DTNA: variants seen among roughly 807,000 people sequenced by gnomAD.
DTNA encodes the protein dystrophin-related protein 3.
Under a neutral mutation model 100.7 loss-of-function variants are expected in DTNA, and 43 were observed. The observed-to-expected ratio is 0.43, with a 90% confidence interval of 0.33 to 0.55. DTNA has a LOEUF of 0.55. Ranked by LOEUF, DTNA falls within the 20% of genes least tolerant of loss-of-function variation. DTNA has a pLI of 0.04. For synonymous variants in DTNA, 349 were observed against 347.9 expected (o/e 1.00, Z -0.04); for missense variants, 798 against 953.9 (o/e 0.84, Z 2.15).
chr18:34,869,878 G>A (rs958700499), intron 17 of DTNA, among the ~76,000 whole-genome samples: 6 of 152,102 alleles, frequency 3.9e-5, no homozygotes, highest in Non-Finnish European at 8.8e-5. Flanking sequence ...AAAATTAGCC[G>A]GGCGTGGTGG....
rs2040345523 is a variant in DTNA, at chr18:34,505,022, A to T, written c.-2+11508A>T. Among the ~76,000 whole-genome samples the T allele has an allele frequency of 2.0e-5, 3 of 152,290 alleles. No homozygotes were observed. The South Asian group carries it at 6.2e-4, about 32-fold the overall frequency. ...TTGATTTCCTATGGCTGCTGTAACA[A>T]ATTACCATACAGTGCATGCCTTACA... On this transcript the variant is annotated intron_variant, in intron 1 of 19. Coordinates refer to the DTNA transcript ENST00000283365.
intron 3 of DTNA, among the ~76,000 whole-genome samples, chr18:34,775,314 G>A (rs1383994897): frequency 4.6e-5 from 7 of 151,986 alleles, no homozygotes; most frequent in African/African-American, 9.7e-5. Flanking sequence ...GGGAAACCCC[G>A]TCTCTACTAA....
chr18:34,838,864 G>A, intron 13 of DTNA, 27 bp downstream of exon 13: 1 of 1,599,804 alleles, frequency 6.3e-7, no homozygotes, highest in African/African-American at 1.3e-5. Flanking sequence ...CTGCTTGACT[G>A]TCCTTAGAGA....
chr18:34,785,317 A>C (rs563264662), intron 3 of DTNA, among the ~76,000 whole-genome samples: 1 of 152,328 alleles, frequency 6.6e-6, no homozygotes, highest in Admixed American at 6.5e-5. Flanking sequence ...ACAAACCTCA[A>C]GTTATAGAAG....
At chr18:34,650,457 T>C (rs1275777222) in intron 1 of DTNA, among the ~76,000 whole-genome samples, 1 of 152,208 alleles carries the variant, frequency 6.6e-6, no homozygotes, top group Non-Finnish European at 1.5e-5. Context: ...TTGTTCCTAC[T>C]TCTCCTTTTG....
At chr18:34,679,456 T>A (rs1311509142) in intron 1 of DTNA, 1 of 152,206 alleles carries the variant, frequency 6.6e-6, no homozygotes, top group Non-Finnish European at 1.5e-5. Flanking sequence ...AAAGTCTACT[T>A]TCTCGTTGCA....
chr18:34,611,399 C>T (rs2054181795), intron 1 of DTNA, among the ~76,000 whole-genome samples: 1 of 152,148 alleles, frequency 6.6e-6, no homozygotes, highest in Non-Finnish European at 1.5e-5. Flanking sequence ...TCAGAAGTTT[C>T]CTCCAGTCTC....
Position 34,799,922 on chromosome 18 carries a change from G to C in DTNA, c.362+5672G>C, listed in dbSNP as rs191965366. 2.6e-3 allele frequency among the ~76,000 whole-genome samples: 400 copies of C among 152,238 alleles called. 2 individuals carry two copies. Among genetic ancestry groups the C allele is most frequent in the Admixed American group, 4.2e-3 (64 of 15,282 alleles). ...CTCACCTGCCCCGGCGCTATAAGGA[G>C]TACTTTTCCCAGATGTTTTGCTAAC... On this transcript the variant is annotated intron_variant, in intron 4 of 22. Transcript: ENST00000444659.
At chr18:34,874,387 CAG>C (rs1479367142) in intron 17 of DTNA, among the ~76,000 whole-genome samples, 12 of 152,210 alleles carry the variant, frequency 7.9e-5, no homozygotes, top group African/African-American at 2.7e-4. Context: ...ATTATTAAAA[CAG>C]GGAGAATATT....
chr18:34,828,139 A>G (rs2095904836), intron 10 of DTNA, among the ~76,000 whole-genome samples: 1 of 152,218 alleles, frequency 6.6e-6, no homozygotes, highest in African/African-American at 2.4e-5. Context: ...ATAAAGACCA[A>G]ACTTGGAAAT....
At chr18:34,782,907 C>T (rs2094385702) in intron 3 of DTNA, among the ~76,000 whole-genome samples, 1 of 152,104 alleles carries the variant, frequency 6.6e-6, no homozygotes, top group South Asian at 2.1e-4. Context: ...AGGAGGCTTG[C>T]TTCTAAGTAG....
At chr18:34,584,783 G>A (rs1403179938) in intron 1 of DTNA, among the ~76,000 whole-genome samples, 1 of 152,060 alleles carries the variant, frequency 6.6e-6, no homozygotes, top group Non-Finnish European at 1.5e-5. Flanking sequence ...CAGGGATAAA[G>A]AAGAAATCAT....
chr18:34,683,760 C>T (rs2078459343), intron 1 of DTNA: 1 of 152,060 alleles, frequency 6.6e-6, no homozygotes, highest in African/African-American at 2.4e-5. Flanking sequence ...CAAGTCTTCC[C>T]CTTATTTGAT....
intron 1 of DTNA, among the ~76,000 whole-genome samples, chr18:34,497,920 T>C (rs920282621): frequency 2.0e-5 from 3 of 152,198 alleles, no homozygotes; most frequent in Admixed American, 1.3e-4. Flanking sequence ...AGAGTATCTA[T>C]ATTAGCATTT....
chr18:34,834,498 C>T (rs556695907), intron 11 of DTNA, among the ~76,000 whole-genome samples: 4 of 151,014 alleles, frequency 2.6e-5, no homozygotes, highest in Non-Finnish European at 4.4e-5. Flanking sequence ...AGTGAAACTC[C>T]GTCTCAAAAA....
intron 16 of DTNA, among the ~76,000 whole-genome samples, chr18:34,858,950 G>A (rs1206501012): frequency 6.6e-6 from 1 of 152,130 alleles, no homozygotes; most frequent in Non-Finnish European, 1.5e-5. Context: ...ATCTCACTAG[G>A]AACAATTTAA....
intron 1 of DTNA, among the ~76,000 whole-genome samples, chr18:34,742,672 A>AGATAGATAGATAATC (rs1204063732): frequency 1.3e-5 from 2 of 151,818 alleles, no homozygotes; most frequent in Admixed American, 6.6e-5. Flanking sequence ...TTATCTATCT[A>AGATAGATAGATAATC]TTCCCATTAT....
At chr18:34,548,336 A>G (rs186470763) in intron 1 of DTNA, among the ~76,000 whole-genome samples, 1 of 152,224 alleles carries the variant, frequency 6.6e-6, no homozygotes, top group East Asian at 1.9e-4. Flanking sequence ...CAAAGCTGTA[A>G]GGGTAAAGGT....
At chr18:34,723,627 G>A (rs1413724560) in intron 1 of DTNA, among the ~76,000 whole-genome samples, 1 of 152,132 alleles carries the variant, frequency 6.6e-6, no homozygotes, top group African/African-American at 2.4e-5. Context: ...GGCCAGGCAC[G>A]GTGGCTCAGG....
Sources: allele counts gnomAD v4.1 joint callset (sites outside exome capture counted in the v4.1 genomes callset), GRCh38; gene constraint gnomAD v4.1.1; transcripts MANE v1.5; gene names NCBI Gene and HGNC (gene_info 2026-07-23, HGNC 2026-07-21).